The following TAF3 variants were observed in gnomAD, a reference collection of about 807,000 sequenced individuals.
TAF3 encodes transcription initiation factor TFIID subunit 3.
In TAF3, 7 loss-of-function variants were observed where a neutral mutation model predicts 80.6. That is an observed-to-expected ratio of 0.09 (90% CI 0.05 to 0.16). The LOEUF (loss-of-function observed/expected upper bound fraction) is 0.16, where lower values mean the gene tolerates loss of function less well. Ranked by LOEUF, TAF3 falls within the 10% of genes least tolerant of loss-of-function variation. TAF3 has a pLI of 1.00. For missense variants in TAF3, 921 were observed against 1,140.2 expected, an observed-to-expected ratio of 0.81 and a Z score of 2.77; for synonymous variants, 444 against 446.1, an observed-to-expected ratio of 1.00 and a Z score of 0.06.
chr10:7,850,713 A>G (rs1261147916), intron 2 of TAF3, among the ~76,000 whole-genome samples: 1 of 151,858 alleles, frequency 6.6e-6, no homozygotes, highest in Non-Finnish European at 1.5e-5. Flanking sequence ...ATATACACAC[A>G]CATACATACA....
At chr10:7,930,316 T>G (rs1007528507) in intron 2 of TAF3, among the ~76,000 whole-genome samples, 1 of 152,206 alleles carries the variant, frequency 6.6e-6, no homozygotes, top group Non-Finnish European at 1.5e-5. Context: ...AGAGAAATAC[T>G]TACTTGAATT....
At chr10:7,922,027 A>G (rs1474552656) in intron 2 of TAF3, among the ~76,000 whole-genome samples, 2 of 152,056 alleles carry the variant, frequency 1.3e-5, no homozygotes, top group South Asian at 2.1e-4. Context: ...CTTGAATTGG[A>G]ATAGATTATG....
intron 3 of TAF3, among the ~76,000 whole-genome samples, chr10:7,971,497 A>G (rs930164200): frequency 6.6e-6 from 1 of 152,032 alleles, no homozygotes; most frequent in East Asian, 1.9e-4. Context: ...TAAAAGAATA[A>G]AAAAATAAAA....
intron 2 of TAF3, among the ~76,000 whole-genome samples, chr10:7,928,274 A>G (rs1433081850): frequency 2.0e-5 from 3 of 152,206 alleles, no homozygotes; most frequent in Non-Finnish European, 2.9e-5. Context: ...GCCGTGTCCC[A>G]GTACCTGATA....
intron 4 of TAF3, among the ~76,000 whole-genome samples, chr10:7,983,057 G>A (rs1190577067): frequency 1.3e-5 from 2 of 151,656 alleles, no homozygotes; most frequent in Admixed American, 6.5e-5. Context: ...ACTTCGGCGG[G>A]GCCACCTGCA....
chr10:7,964,711 G>A lies in TAF3; in HGVS notation c.1201G>A (p.Glu401Lys). The change falls in exon 3 of 7, where the codon GAG (glutamate) becomes AAG (lysine). Residue 401 changes from glutamate (E) to lysine (K), a missense_variant. By Grantham distance (56) the Glu-to-Lys change is moderately conservative. Transcript: ENST00000344293. The surrounding 1 kb of genome is among the most constrained non-coding windows in gnomAD (Gnocchi z 4.1). ...TGCTGTGATTGCACGAGCCTGTGCT[G>A]AGCGAGAGCCAGATCCTTTCGAATT... ...IDAVIARACA[E>K]REPDPFEFSS... The A allele has an allele frequency of 6.2e-7, 1 of 1,614,194 alleles. No homozygotes were observed. The highest frequency in any genetic ancestry group is 1.1e-5 in the South Asian group (1 of 91,070).
chr10:7,926,141 G>A (rs4749359), intron 2 of TAF3, among the ~76,000 whole-genome samples: 82,786 of 152,066 alleles, frequency 0.54, 23,820 homozygotes, highest in East Asian at 0.72. Context: ...GATGTTACTG[G>A]TCTGACTGAG....
At chr10:7,924,991 A>G (rs1320058622) in intron 2 of TAF3, among the ~76,000 whole-genome samples, 1 of 152,192 alleles carries the variant, frequency 6.6e-6, no homozygotes, top group Non-Finnish European at 1.5e-5. Context: ...TAAAAGTGAG[A>G]AATACTCTAG....
chr10:7,944,445 GAGAA>G (rs1209908151), intron 2 of TAF3, among the ~76,000 whole-genome samples: 15 of 152,060 alleles, frequency 9.9e-5, no homozygotes, highest in Non-Finnish European at 1.8e-4. Context: ...TTTTTATTAA[GAGAA>G]AGAAATAAAA....
intron 4 of TAF3, among the ~76,000 whole-genome samples, chr10:8,006,607 G>T (rs1360719248): frequency 6.6e-6 from 1 of 152,208 alleles, no homozygotes; most frequent in Non-Finnish European, 1.5e-5. Context: ...CACCCTTGCA[G>T]GAAACAAATA....
chr10:7,964,614 T>C lies in TAF3; in HGVS notation c.1104T>C (p.Ala368=). 1 of 1,614,110 alleles carries C rather than the reference T, an allele frequency of 6.2e-7. No individual in the cohort carries two copies. Among genetic ancestry groups the C allele is most frequent in the Non-Finnish European group, 8.5e-7 (1 of 1,180,032 alleles). The change falls in exon 3 of 7, where the codon GCT becomes GCC. Residue 368 remains alanine (A), a synonymous_variant. Coordinates refer to ENST00000344293, the MANE Select transcript of TAF3 (RefSeq NM_031923.4). The surrounding 1 kb of genome is among the most constrained non-coding windows in gnomAD (Gnocchi z 4.1). ...AACAAATACAGACACCCCCTGATGC[T>C]GGGAAACTGAACAGTGAGAATCAGC... The part of the protein sequence containing the change: ...QVKQIQTPPD[A]GKLNSENQPK...
At chr10:7,826,508 T>G (rs1374688022) in intron 2 of TAF3, among the ~76,000 whole-genome samples, 6 of 152,176 alleles carry the variant, frequency 3.9e-5, no homozygotes, top group African/African-American at 1.4e-4. Flanking sequence ...TTACTATAGA[T>G]TTTTGGGTTT....
intron 2 of TAF3, among the ~76,000 whole-genome samples, chr10:7,871,093 GTCGT>G (rs1168061355): frequency 6.6e-6 from 1 of 152,118 alleles, no homozygotes; most frequent in African/African-American, 2.4e-5. Flanking sequence ...ACTGTAGTCA[GTCGT>G]TTAATATACT....
At chr10:7,992,830 G>A (rs1159873984) in intron 4 of TAF3, among the ~76,000 whole-genome samples, 2 of 152,114 alleles carry the variant, frequency 1.3e-5, no homozygotes, top group Non-Finnish European at 2.9e-5. Context: ...TGGCAACTTG[G>A]ATAGATTTAA....
intron 6 of TAF3, 104 bp from the exon 7 acceptor site, chr10:8,014,533 G>A (rs756826872): frequency 8.3e-6 from 8 of 959,972 alleles, no homozygotes; most frequent in East Asian, 2.8e-5. Context: ...CTTTGATTTC[G>A]GGTAAACATG....
At chr10:7,925,798 C>CA (rs375690990) in intron 2 of TAF3, among the ~76,000 whole-genome samples, 1,173 of 70,850 alleles carry the variant, frequency 0.017, 18 homozygotes, top group African/African-American at 0.053. Context: ...AACTCCATCT[C>CA]AAAAAAAAAA....
At chr10:7,865,835 C>T (rs988548247) in intron 2 of TAF3, among the ~76,000 whole-genome samples, 1 of 152,206 alleles carries the variant, frequency 6.6e-6, no homozygotes, top group Non-Finnish European at 1.5e-5. Context: ...TATCCATTTC[C>T]TTCCTTTCTG....
At chr10:7,986,870 A>G (rs557993483) in intron 4 of TAF3, among the ~76,000 whole-genome samples, 2 of 152,334 alleles carry the variant, frequency 1.3e-5, no homozygotes, top group South Asian at 4.1e-4. Flanking sequence ...GAGAAGCAAA[A>G]CACTTAAAAG....
At chr10:7,851,829 A>G (rs1837029714) in intron 2 of TAF3, among the ~76,000 whole-genome samples, 1 of 152,040 alleles carries the variant, frequency 6.6e-6, no homozygotes, top group Non-Finnish European at 1.5e-5. Flanking sequence ...CTGGCACTCA[A>G]GCTGGAGTGC....
Sources: gnomAD v4.1 joint callset for allele counts (sites outside exome capture counted in the v4.1 genomes callset) on GRCh38, gnomAD v4.1.1 for gene constraint, Gnocchi (gnomAD v3.1) non-coding constraint, MANE v1.5 for transcripts, NCBI Gene and HGNC (gene_info 2026-07-23, HGNC 2026-07-21) for gene names.